Variants in SEC22A observed in about 807,000 individuals in gnomAD.
SEC22A encodes vesicle-trafficking protein SEC22a.
A neutral mutation model predicts 35.3 loss-of-function variants in SEC22A; 22 were observed. That is an observed-to-expected ratio of 0.62 (90% CI 0.45 to 0.89). The LOEUF (loss-of-function observed/expected upper bound fraction) is 0.89. Ranked by LOEUF, SEC22A falls within the 40% of genes least tolerant of loss-of-function variation. The probability of loss-of-function intolerance (pLI) is 0.00; values close to 1 mark genes in which losing one functional copy is unlikely to be tolerated. For missense variants in SEC22A, 354 were observed against 362.5 expected (o/e 0.98, Z 0.19); for synonymous variants, 119 against 129.5 (o/e 0.92, Z 0.55).
intron 5 of SEC22A, among the ~76,000 whole-genome samples, chr3:123,257,995 G>GAA (rs61068587): frequency 5.4e-5 from 6 of 111,506 alleles, no homozygotes; most frequent in South Asian, 3.3e-4. Flanking sequence ...CCATCTCATT[G>GAA]AAAAAAAAAA....
At chr3:123,233,346 A>G (rs1358732832) in intron 4 of SEC22A, among the ~76,000 whole-genome samples, 1 of 152,210 alleles carries the variant, frequency 6.6e-6, no homozygotes, top group Non-Finnish European at 1.5e-5. Flanking sequence ...GCTATACCAT[A>G]TAGCCTAGGT....
intron 2 of SEC22A, among the ~76,000 whole-genome samples, chr3:123,213,264 A>G (rs1447993879): frequency 1.3e-5 from 2 of 152,220 alleles, no homozygotes; most frequent in Non-Finnish European, 2.9e-5. Context: ...TTGTTACCTT[A>G]TATGACATTG....
chr3:123,201,981 C>T lies in SEC22A; in HGVS notation c.-25C>T, dbSNP rs906271875. 2.6e-5 allele frequency: 4 copies of T among 152,652 alleles called. No individual in the cohort carries two copies. Among genetic ancestry groups the T allele is most frequent in the Admixed American group, 1.3e-4 (2 of 15,278 alleles). 9.5% of individuals were successfully genotyped at this position (152,652 alleles called of 1,614,324 possible). A position where few individuals can be genotyped will look rare whatever the true frequency, so the allele number is the denominator to read the frequency against. Reference sequence around the variant, plus strand: ...TCACTCGGAGCGGCGGGTCCCGTCTCGACAGGTACTCCCCGGCCCCTCCCA... The same window carrying T: ...TCACTCGGAGCGGCGGGTCCCGTCTTGACAGGTACTCCCCGGCCCCTCCCA... On this transcript the variant is annotated 5_prime_UTR_variant, in exon 1 of 7. Coordinates refer to ENST00000492595, the MANE Select transcript of SEC22A (RefSeq NM_012430.5).
chr3:123,253,712 CAAA>C (rs550562079), intron 5 of SEC22A, among the ~76,000 whole-genome samples: 4 of 103,226 alleles, frequency 3.9e-5, no homozygotes, highest in African/African-American at 3.5e-5. Flanking sequence ...GACTCCATCT[CAAA>C]AAAAAAAAAA....
At chr3:123,264,910 G>T (rs1282045630) in intron 6 of SEC22A, among the ~76,000 whole-genome samples, 2 of 151,908 alleles carry the variant, frequency 1.3e-5, no homozygotes, top group African/African-American at 4.8e-5. Flanking sequence ...GCCTCCCAAA[G>T]CTCTGGGATT....
At chr3:123,254,190 CTT>C (rs1176080422) in intron 5 of SEC22A, among the ~76,000 whole-genome samples, 3 of 150,934 alleles carry the variant, frequency 2.0e-5, no homozygotes, top group Non-Finnish European at 4.4e-5. Context: ...TCATCCTCAT[CTT>C]TTTTTTTCTT....
chr3:123,267,344 A>C (rs1938049898), intron 6 of SEC22A, among the ~76,000 whole-genome samples: 1 of 146,786 alleles, frequency 6.8e-6, no homozygotes, highest in Admixed American at 6.8e-5. Flanking sequence ...TTTCCATTTC[A>C]GTTTATCTGT....
Position 123,241,002 on chromosome 3 carries a change from T to TACACACACACACACAC in SEC22A, c.542-4871_542-4856dup, listed in dbSNP as rs35775511. On this transcript the variant is annotated intron_variant, in intron 4 of 6. Coordinates refer to ENST00000492595, the MANE Select transcript of SEC22A (RefSeq NM_012430.5). ...AATAGATTTACTAATCTCTCTTTCT[T>TACACACACACACACAC]ACACACACACACACACACACACACA... Among the ~76,000 whole-genome samples the TACACACACACACACAC allele has an allele frequency of 1.1e-3, 151 of 142,676 alleles. 9 individuals are homozygous for TACACACACACACACAC. In the East Asian group the frequency reaches 0.019, roughly 18 times the overall value. The allele number at this position is 142,676 out of a possible 152,430, so 93.6% of individuals were successfully genotyped here.
chr3:123,205,867 C>A (rs1472863696), intron 1 of SEC22A, among the ~76,000 whole-genome samples: 1 of 152,112 alleles, frequency 6.6e-6, no homozygotes, highest in East Asian at 1.9e-4. Flanking sequence ...TGCTATCTGG[C>A]ATAATTCATG....
chr3:123,229,163 C>G (rs895861074), intron 4 of SEC22A, among the ~76,000 whole-genome samples: 1 of 152,092 alleles, frequency 6.6e-6, no homozygotes, highest in Non-Finnish European at 1.5e-5. Context: ...GGGATACACA[C>G]GAGATCCACA....
intron 4 of SEC22A, among the ~76,000 whole-genome samples, chr3:123,233,226 T>A (rs1937352385): frequency 6.6e-6 from 1 of 152,188 alleles, no homozygotes; most frequent in South Asian, 2.1e-4. Flanking sequence ...AATAGCATAT[T>A]TTTACTGCAC....
chr3:123,229,494 CAAAGT>C (rs1000306871), intron 4 of SEC22A, among the ~76,000 whole-genome samples: 3 of 152,114 alleles, frequency 2.0e-5, no homozygotes, highest in Non-Finnish European at 2.9e-5. Flanking sequence ...AAAATGAAGG[CAAAGT>C]AAAGATATTT....
At chr3:123,257,576 G>A (rs954322151) in intron 5 of SEC22A, among the ~76,000 whole-genome samples, 17 of 152,170 alleles carry the variant, frequency 1.1e-4, no homozygotes, top group African/African-American at 4.1e-4. Flanking sequence ...ATGGGTGCCT[G>A]TAATCCCAGC....
chr3:123,255,574 TCCTC>T (rs1937712376), intron 5 of SEC22A, among the ~76,000 whole-genome samples: 1 of 152,192 alleles, frequency 6.6e-6, no homozygotes, highest in Non-Finnish European at 1.5e-5. Context: ...CCAACTTTCT[TCCTC>T]AGAGTCATCC....
chr3:123,267,974 G>A (rs1412963694), intron 6 of SEC22A, among the ~76,000 whole-genome samples: 2 of 152,186 alleles, frequency 1.3e-5, no homozygotes, highest in East Asian at 1.9e-4. Flanking sequence ...ACTGTCAAGT[G>A]AAAGTGGGTG....
At position 123,206,536 on chromosome 3, in the gene SEC22A, A is replaced by G. The variant is rs192423329; in HGVS notation, c.-19-2663A>G. Among the ~76,000 whole-genome samples the G allele has an allele frequency of 1.3e-4, 20 of 152,276 alleles. No homozygotes were observed. In the East Asian group the frequency reaches 3.3e-3, roughly 25 times the overall value. ...AGGGGATAGAGTAAGACATTTTCCT[A>G]CTTTCTTACACTTAGGCTAAATGTT... On this transcript the variant is annotated intron_variant, in intron 1 of 6. Coordinates refer to ENST00000492595, the MANE Select transcript of SEC22A (RefSeq NM_012430.5).
intron 1 of SEC22A, among the ~76,000 whole-genome samples, chr3:123,202,819 G>T (rs1004819987): frequency 2.0e-5 from 3 of 152,126 alleles, no homozygotes; most frequent in African/African-American, 7.2e-5. Flanking sequence ...GGAGATGTTG[G>T]GATCTTCAGT....
At chr3:123,265,537 G>A (rs898510561) in intron 6 of SEC22A, among the ~76,000 whole-genome samples, 1 of 151,606 alleles carries the variant, frequency 6.6e-6, no homozygotes, top group African/African-American at 2.4e-5. Flanking sequence ...GTTCTTCACA[G>A]AACAAAAGTT....
intron 2 of SEC22A, among the ~76,000 whole-genome samples, chr3:123,218,082 C>T (rs9869002): frequency 0.03 from 4,613 of 152,228 alleles, 217 homozygotes; most frequent in African/African-American, 0.1. Context: ...ACCATTTATT[C>T]ATTTTGTTGA....
Sources: gnomAD v4.1 joint callset for allele counts (sites outside exome capture counted in the v4.1 genomes callset) on GRCh38, gnomAD v4.1.1 for gene constraint, MANE v1.5 for transcripts, NCBI Gene and HGNC (gene_info 2026-07-23, HGNC 2026-07-21) for gene names.